Variants in SYNE2 observed in about 807,000 individuals in gnomAD.
SYNE2 encodes nesprin-2.
A neutral mutation model predicts 856.3 loss-of-function variants in SYNE2; 431 were observed. That is an observed-to-expected ratio of 0.50 (90% confidence interval 0.47 to 0.55). The LOEUF is 0.55. Among genes scored for constraint, SYNE2 ranks in the 20% least tolerant of loss-of-function variants. SYNE2 has a pLI of 0.00. For synonymous variants in SYNE2, 2,923 were observed against 2,872.3 expected (o/e 1.02, Z -0.56); for missense variants, 8,129 against 8,023.2 (o/e 1.01, Z -0.50).
intron 2 of SYNE2, among the ~76,000 whole-genome samples, chr14:63,935,556 A>G (rs1448298605): frequency 3.9e-5 from 6 of 152,240 alleles, no homozygotes; most frequent in East Asian, 1.9e-4. Flanking sequence ...AACAATTTCA[A>G]TTCACTATGA....
At chr14:64,216,018 A>G (rs2098664752) in intron 107 of SYNE2, 27 of 1,450,974 alleles carry the variant, frequency 1.9e-5, no homozygotes, top group Non-Finnish European at 2.3e-5. Flanking sequence ...CTCATCCCAC[A>G]GCAAATCATG....
intron 1 of SYNE2, among the ~76,000 whole-genome samples, chr14:63,906,475 T>G (rs571263249): frequency 6.6e-6 from 1 of 152,298 alleles, no homozygotes; most frequent in South Asian, 2.1e-4. Flanking sequence ...AAATTATTAT[T>G]GGTTCAACTT....
intron 1 of SYNE2, among the ~76,000 whole-genome samples, chr14:63,907,355 T>C (rs971757039): frequency 6.6e-5 from 10 of 152,216 alleles, no homozygotes; most frequent in African/African-American, 2.2e-4. Context: ...GCATGAACTC[T>C]GAAGCCCAAA....
intron 109 of SYNE2, 112 bp from the exon 110 acceptor site, chr14:64,219,096 G>GTTTTTTTTTTT (rs1214967482): frequency 2.2e-5 from 17 of 758,676 alleles, no homozygotes; most frequent in East Asian, 1.5e-4. Context: ...ATCCCCTACA[G>GTTTTTTTTTTT]TTTTTTTGTT....
chr14:64,079,751 C>G (rs568895944), intron 55 of SYNE2, among the ~76,000 whole-genome samples: 19 of 152,258 alleles, frequency 1.2e-4, no homozygotes, highest in African/African-American at 4.6e-4. Context: ...CCCTGTCACC[C>G]AAGCTGGAGT....
rs757014949 is a variant in SYNE2 at position 64,022,022 on chromosome 14, T to G, written c.5518T>G (p.Leu1840Val). 6.2e-7 allele frequency: 1 copy of G among 1,613,610 alleles called. No homozygotes were observed. The highest frequency in any genetic ancestry group is 2.2e-5 in the East Asian group (1 of 44,762). The change falls in exon 37 of 116, where the codon TTG (leucine) becomes GTG (valine). Residue 1840 changes from leucine to valine, a missense_variant. Physicochemically the swap from Leu to Val is conservative, Grantham distance 32 (BLOSUM62 1). Around this residue, in one of 3 missense-constraint regions of SYNE2, gnomAD observed 2,422 missense variants for 2,357.4 expected, o/e 1.03. Transcript: ENST00000555002. ...TTTGCAAGATCACTTTTCTAAGTTA[T>G]TGAATGGTGAGTGCAACATTTCTCT... ...SVLQDHFSKLLNDQCKNFNDW... is the reference protein window; with the variant it reads ...SVLQDHFSKLVNDQCKNFNDW...
Position 64,219,194 on chromosome 14 carries a change from T to C in SYNE2, c.19658-14T>C, listed in dbSNP as rs1310588057. On this transcript the variant is annotated splice_polypyrimidine_tract_variant and intron_variant, in intron 109 of 115. Coordinates refer to ENST00000555002, the MANE Select transcript of SYNE2 (RefSeq NM_182914.3). ...CATTATTGCTTTTTTTAATTGGCGA[T>C]TTTTTAATTCCAGGTGCCTTCGACA... 3.7e-6 allele frequency: 6 copies of C among 1,613,142 alleles called. No individual in the cohort carries two copies. The highest frequency in any genetic ancestry group is 5.1e-6 in the Non-Finnish European group (6 of 1,179,788).
intron 2 of SYNE2, among the ~76,000 whole-genome samples, chr14:63,914,338 TC>T (rs1364096840): frequency 6.6e-6 from 1 of 152,230 alleles, no homozygotes; most frequent in African/African-American, 2.4e-5. Context: ...AGGAATCCCT[TC>T]CGAAGTATTT....
In SYNE2 at chr14:64,025,148, G is replaced by A. The variant is rs751200282; in HGVS notation, c.5979G>A (p.Val1993=). The change falls in exon 41 of 116, where the codon GTG becomes GTA. Residue 1993 remains valine, a synonymous_variant. Coordinates refer to ENST00000555002, the MANE Select transcript of SYNE2 (RefSeq NM_182914.3). ...TTTACAGGGAACAGTTTGAATCTGT[G>A]GCCCAATTGAACAACTCTTTGAAGG... ...LARKREQFES[V]AQLNNSLKEY... 6.2e-7 allele frequency: 1 copy of A among 1,614,006 alleles called. No homozygotes were observed. Among genetic ancestry groups the A allele is most frequent in the Non-Finnish European group, 8.5e-7 (1 of 1,179,980 alleles).
intron 2 of SYNE2, among the ~76,000 whole-genome samples, chr14:63,938,608 C>T (rs1253345284): frequency 6.6e-6 from 1 of 151,980 alleles, no homozygotes; most frequent in African/African-American, 2.4e-5. Context: ...AGAGGATGAA[C>T]TGGAGGTGGC....
At chr14:64,138,896 C>T (rs1006320539) in intron 79 of SYNE2, among the ~76,000 whole-genome samples, 3 of 148,646 alleles carry the variant, frequency 2.0e-5, no homozygotes, top group Non-Finnish European at 3.0e-5. Flanking sequence ...TGTTATACAG[C>T]TTATACAAAT....
intron 78 of SYNE2, among the ~76,000 whole-genome samples, chr14:64,134,951 C>T (rs985228832): frequency 2.6e-5 from 4 of 152,214 alleles, no homozygotes; most frequent in Admixed American, 2.0e-4. Context: ...CATGCCATTG[C>T]GCTCCAGCCT....
chr14:64,071,050 G>A, intron 52 of SYNE2, 140 bp downstream of exon 52: 3 of 797,882 alleles, frequency 3.8e-6, no homozygotes, highest in Non-Finnish European at 6.0e-6. Flanking sequence ...AAAAGGGATG[G>A]AACAGATTAG....
intron 8 of SYNE2, among the ~76,000 whole-genome samples, chr14:63,959,126 G>A (rs1015022298): frequency 6.6e-6 from 1 of 152,094 alleles, no homozygotes; most frequent in Non-Finnish European, 1.5e-5. Context: ...TAGAAACCAA[G>A]ATCTGGTGTG....
intron 6 of SYNE2, among the ~76,000 whole-genome samples, chr14:63,943,604 G>A (rs1415340025): frequency 2.0e-5 from 3 of 151,830 alleles, no homozygotes; most frequent in African/African-American, 7.3e-5. Flanking sequence ...GATAAAATGG[G>A]ATTGGAGAGA....
rs1431387125 is a variant in SYNE2, at chr14:64,126,791, A to G, written c.13901A>G (p.Tyr4634Cys). ...RSKSLKAGLD[Y>C]NRSYQNEIKR... ...AAGTCCCTGAAAGCTGGCCTCGATT[A>G]CAACCGCAGTTACCAGGTATGATTC... The change falls in exon 73 of 116, where the codon TAC becomes TGC. Residue 4634 changes from tyrosine (Y) to cysteine (C), a missense_variant. Physicochemically the swap from Tyr to Cys is radical, Grantham distance 194. Around this residue, in one of 3 missense-constraint regions of SYNE2, gnomAD observed 5,410 missense variants for 5,284.8 expected, o/e 1.02. Transcript: ENST00000555002. 19 of 1,612,282 alleles carry G rather than the reference A, an allele frequency of 1.2e-5. No homozygotes were observed. The highest frequency in any genetic ancestry group is 1.4e-5 in the Non-Finnish European group (17 of 1,180,024).
chr14:64,114,989 C>G (rs548526668), intron 66 of SYNE2, among the ~76,000 whole-genome samples: 44 of 152,158 alleles, frequency 2.9e-4, no homozygotes, highest in Middle Eastern at 3.2e-3. Flanking sequence ...CTGATGAGGC[C>G]CAGGGGAGCC....
In SYNE2 at chr14:64,177,450, C is replaced by G. The variant is rs202141038; in HGVS notation, c.17523C>G (p.His5841Gln). 3.1e-6 allele frequency: 5 copies of G among 1,614,002 alleles called. No homozygotes were observed. In the East Asian group the frequency reaches 6.7e-5, roughly 22 times the overall value. Reference sequence around the variant, plus strand: ...GTGAAGATCCTCTTCCAGAGCTTCACGAGGACCTCCATAACGAAAAAGAGC... The same window carrying G: ...GTGAAGATCCTCTTCCAGAGCTTCAGGAGGACCTCCATAACGAAAAAGAGC... ...AQSEDPLPELHEDLHNEKELI... is the reference protein window; with the variant it reads ...AQSEDPLPELQEDLHNEKELI... Residue 5841 changes from histidine (H) to glutamine (Q), a missense_variant, in exon 96 of 116, where the codon CAC (histidine) becomes CAG (glutamine). Transcript: ENST00000555002.
chr14:64,183,830 C>T (rs1567576478), intron 96 of SYNE2, among the ~76,000 whole-genome samples: 1 of 151,936 alleles, frequency 6.6e-6, no homozygotes, highest in Non-Finnish European at 1.5e-5. Flanking sequence ...GCAGGAGAAT[C>T]AGGCAGGGAG....
Sources: allele counts gnomAD v4.1 joint callset (sites outside exome capture counted in the v4.1 genomes callset), GRCh38; gene constraint gnomAD v4.1.1; regional missense constraint gnomAD v4.1.1; transcripts MANE v1.5; gene names NCBI Gene and HGNC (gene_info 2026-07-23, HGNC 2026-07-21).